Variants in MAP3K4 observed in about 807,000 individuals in gnomAD.
MAP3K4 encodes the protein mitogen-activated protein kinase kinase kinase 4, also known as MAP three kinase 1.
In MAP3K4, 67 loss-of-function variants were observed where a neutral mutation model predicts 185.6. The observed-to-expected ratio is 0.36, with a 90% CI of 0.30 to 0.44. The LOEUF (loss-of-function observed/expected upper bound fraction) is 0.44. Ranked by LOEUF, MAP3K4 falls within the 20% of genes least tolerant of loss-of-function variation. MAP3K4 has a pLI of 1.00. For missense variants in MAP3K4, 1,551 were observed against 1,995.1 expected, an observed-to-expected ratio of 0.78 and a Z score of 4.24; for synonymous variants, 702 against 710.4, an observed-to-expected ratio of 0.99 and a Z score of 0.19.
chr6:161,024,994 C>G (rs1443677236), intron 1 of MAP3K4, among the ~76,000 whole-genome samples: 2 of 151,834 alleles, frequency 1.3e-5, no homozygotes, highest in South Asian at 2.1e-4. Flanking sequence ...CACCCACCCA[C>G]CCAGCCATCC....
intron 11 of MAP3K4, among the ~76,000 whole-genome samples, chr6:161,090,036 A>T (rs1372997469): frequency 6.6e-6 from 1 of 152,108 alleles, no homozygotes; most frequent in Non-Finnish European, 1.5e-5. Flanking sequence ...TCTCATCCAC[A>T]CTTTTCCAGG....
In MAP3K4 at chr6:160,992,045, C is replaced by A; in HGVS notation, c.114C>A (p.Pro38=). The change falls in exon 1 of 27, where the codon CCC becomes CCA. Residue 38 remains proline, a synonymous_variant. Coordinates refer to ENST00000392142, the MANE Select transcript of MAP3K4 (RefSeq NM_005922.4). ...PPPPPPPPPE[P]ETESEPECCL... is the part of the protein sequence containing the mutation. ...CGCCGCCACCACCGCCACCGGAACC[C>A]GAGACCGAGTCAGAACCCGAGTGCT... The A allele has an allele frequency of 6.3e-7, 1 of 1,580,654 alleles. No homozygotes were observed. Among genetic ancestry groups the A allele is most frequent in the East Asian group, 2.4e-5 (1 of 42,330 alleles).
chr6:161,059,441 AT>A (rs1335998404), intron 3 of MAP3K4, among the ~76,000 whole-genome samples: 1 of 151,980 alleles, frequency 6.6e-6, no homozygotes, highest in Non-Finnish European at 1.5e-5. Flanking sequence ...CCCGACCTAA[AT>A]CTTTCTCTTC....
intron 2 of MAP3K4, among the ~76,000 whole-genome samples, chr6:161,041,912 C>CTTGTTTTTTTT (rs1783474224): frequency 3.1e-5 from 2 of 64,046 alleles, no homozygotes; most frequent in African/African-American, 1.3e-4. Flanking sequence ...GTTATTGTTT[C>CTTGTTTTTTTT]TTTTTTTTTT....
In MAP3K4 at chr6:161,114,531, A is replaced by G. The variant is rs1362500876; in HGVS notation, c.4627-592A>G. Among the ~76,000 whole-genome samples the G allele has an allele frequency of 6.6e-6, 1 of 152,220 alleles. No individual in the cohort carries two copies. Among genetic ancestry groups the G allele is most frequent in the African/African-American group, 2.4e-5 (1 of 41,454 alleles). On this transcript the variant is annotated intron_variant, in intron 25 of 26. Transcript: ENST00000392142. The surrounding 1 kb of genome is among the most constrained non-coding windows in gnomAD (Gnocchi z 4.3). ...TTGTGATATCTGTGTTATTCCAGTAAAGCCACACATAAAAGAACAGGTTCT... is the reference window on the plus strand; with the variant it reads ...TTGTGATATCTGTGTTATTCCAGTAGAGCCACACATAAAAGAACAGGTTCT...
chr6:161,032,746 C>A (rs1782988807), intron 1 of MAP3K4, among the ~76,000 whole-genome samples: 1 of 152,294 alleles, frequency 6.6e-6, no homozygotes, highest in Admixed American at 6.5e-5. Flanking sequence ...TGTAAGATTA[C>A]ACTTTATTGT....
In MAP3K4 at chr6:161,034,200, A is replaced by C. The variant is rs1783053137; in HGVS notation, c.153-59A>C. 1 of 1,293,544 alleles carries C rather than the reference A, an allele frequency of 7.7e-7. No homozygotes were observed. Among genetic ancestry groups the C allele is most frequent in the South Asian group, 1.5e-5 (1 of 65,162 alleles). The allele number at this position is 1,293,544 out of a possible 1,614,324, so 80.1% of individuals were successfully genotyped here. ...AAGAATTATTTAAAAAATTATAAGT[A>C]AATTTGAATTCACTTAACTGTGTTG... On this transcript the variant is annotated intron_variant, in intron 1 of 26. Coordinates refer to ENST00000392142, the MANE Select transcript of MAP3K4 (RefSeq NM_005922.4). This position sits in a 1 kb window ranked among gnomAD's most constrained non-coding sequence, Gnocchi z 4.4.
rs189075498 is a variant in MAP3K4 at position 161,106,280 on chromosome 6, A to G, written c.3857-234A>G. ...TTTAGCCAACGTTCTTGGGAAAGGA[A>G]ATCATTTTTGTGTGACTAGCTTATA... On this transcript the variant is annotated intron_variant, in intron 19 of 26. Coordinates refer to ENST00000392142, the MANE Select transcript of MAP3K4 (RefSeq NM_005922.4). This position sits in a 1 kb window ranked among gnomAD's most constrained non-coding sequence, Gnocchi z 4.9. Among the ~76,000 whole-genome samples the G allele has an allele frequency of 1.6e-4, 24 of 152,308 alleles. 1 individual carries two copies. The highest frequency in any genetic ancestry group is 1.2e-3 in the Admixed American group (19 of 15,306).
At chr6:161,057,623 A>C (rs1464875033) in intron 3 of MAP3K4, among the ~76,000 whole-genome samples, 1 of 152,182 alleles carries the variant, frequency 6.6e-6, no homozygotes, top group East Asian at 1.9e-4. Flanking sequence ...CCTCACGTGA[A>C]GCTAGACCAG....
At position 161,107,068 on chromosome 6, in the gene MAP3K4, A is replaced by G. The variant is rs549842207; in HGVS notation, c.4048+363A>G. 1.5e-4 allele frequency among the ~76,000 whole-genome samples: 23 copies of G among 152,016 alleles called. No homozygotes were observed. Among genetic ancestry groups the G allele is most frequent in the Admixed American group, 1.4e-3 (21 of 15,274 alleles). ...CGCGCGCGCACACACACACACACACACACACACACACGCAGAACGTGATTT... is the reference window on the plus strand; with the variant it reads ...CGCGCGCGCACACACACACACACACGCACACACACACGCAGAACGTGATTT... On this transcript the variant is annotated intron_variant, in intron 20 of 26. Transcript: ENST00000392142. The surrounding 1 kb of genome is among the most constrained non-coding windows in gnomAD (Gnocchi z 6.2).
chr6:161,021,589 G>C (rs550832269), intron 1 of MAP3K4, among the ~76,000 whole-genome samples: 3 of 152,180 alleles, frequency 2.0e-5, no homozygotes, highest in Admixed American at 6.5e-5. Context: ...GGTCCTATCT[G>C]CTGGTGGGCT....
Position 161,110,220 on chromosome 6 carries a change from A to G in MAP3K4, c.4396+306A>G, listed in dbSNP as rs1314241857. Reference sequence around the variant, plus strand: ...TGTACTTACCAGACATTCGTGATCAAAGCAACCTTTTTTTTCTCTCGTGTC... The same window carrying G: ...TGTACTTACCAGACATTCGTGATCAGAGCAACCTTTTTTTTCTCTCGTGTC... On this transcript the variant is annotated intron_variant, in intron 23 of 26. Coordinates refer to ENST00000392142, the MANE Select transcript of MAP3K4 (RefSeq NM_005922.4). This position sits in a 1 kb window ranked among gnomAD's most constrained non-coding sequence, Gnocchi z 4.8. 6.6e-6 allele frequency among the ~76,000 whole-genome samples: 1 copy of G among 152,234 alleles called. No homozygotes were observed. The highest frequency in any genetic ancestry group is 1.5e-5 in the Non-Finnish European group (1 of 68,044).
rs531358174 is a variant in MAP3K4 at position 161,034,617 on chromosome 6, T to C, written c.343+168T>C. 6.6e-6 allele frequency among the ~76,000 whole-genome samples: 1 copy of C among 152,240 alleles called. No homozygotes were observed. The highest frequency in any genetic ancestry group is 2.1e-4 in the South Asian group (1 of 4,810). On this transcript the variant is annotated intron_variant, in intron 2 of 26. Transcript: ENST00000392142. The surrounding 1 kb of genome is among the most constrained non-coding windows in gnomAD (Gnocchi z 4.4). ...CATTAGTATTAATAAAATTGACACATAGTTTTCCAGAGATAGAAACGTTTG... is the reference window on the plus strand; with the variant it reads ...CATTAGTATTAATAAAATTGACACACAGTTTTCCAGAGATAGAAACGTTTG...
rs2114855652 is a variant in MAP3K4, at chr6:161,087,101, T to C, written c.2556+434T>C. On this transcript the variant is annotated intron_variant, in intron 9 of 26. Transcript: ENST00000392142. This position sits in a 1 kb window ranked among gnomAD's most constrained non-coding sequence, Gnocchi z 4.9. Reference sequence around the variant, plus strand: ...AGCAACTTTACTCCACTTTAAGTTGTTGGAGATTTAGCACAGTTAGAATCC... The same window carrying C: ...AGCAACTTTACTCCACTTTAAGTTGCTGGAGATTTAGCACAGTTAGAATCC... Among the ~76,000 whole-genome samples the C allele has an allele frequency of 6.6e-6, 1 of 152,304 alleles. No homozygotes were observed. The highest frequency in any genetic ancestry group is 2.1e-4 in the South Asian group (1 of 4,822).
intron 2 of MAP3K4, among the ~76,000 whole-genome samples, chr6:161,045,572 C>G (rs1783692751): frequency 6.6e-6 from 1 of 152,108 alleles, no homozygotes; most frequent in African/African-American, 2.4e-5. Context: ...AAGTGTAGCA[C>G]AGATTTGGAA....
intron 1 of MAP3K4, among the ~76,000 whole-genome samples, chr6:161,033,468 A>G (rs1376812911): frequency 6.6e-6 from 1 of 152,204 alleles, no homozygotes; most frequent in Non-Finnish European, 1.5e-5. Flanking sequence ...TTTTTAGAGA[A>G]CAAATTAATG....
rs1784552439 is a variant in MAP3K4 at position 161,063,137 on chromosome 6, T to C, written c.1708-7471T>C. Reference sequence around the variant, plus strand: ...CTCTTATGTGCCTTCTAGTTTGTTTTTGATTTGGGACGTAAAATTGATTTG... The same window carrying C: ...CTCTTATGTGCCTTCTAGTTTGTTTCTGATTTGGGACGTAAAATTGATTTG... On this transcript the variant is annotated intron_variant, in intron 3 of 26. Coordinates refer to ENST00000392142, the MANE Select transcript of MAP3K4 (RefSeq NM_005922.4). This position sits in a 1 kb window ranked among gnomAD's most constrained non-coding sequence, Gnocchi z 5.4. Among the ~76,000 whole-genome samples, 1 of 152,118 alleles carries C rather than the reference T, an allele frequency of 6.6e-6. No individual in the cohort carries two copies. The highest frequency in any genetic ancestry group is 1.5e-5 in the Non-Finnish European group (1 of 68,018).
chr6:161,030,970 A>G (rs187693143), intron 1 of MAP3K4, among the ~76,000 whole-genome samples: 21 of 152,348 alleles, frequency 1.4e-4, no homozygotes, highest in African/African-American at 4.8e-4. Flanking sequence ...GTAGTACCAT[A>G]TGACATTTTC....
At chr6:161,006,569 A>G (rs748694908) in intron 1 of MAP3K4, among the ~76,000 whole-genome samples, 74 of 152,326 alleles carry the variant, frequency 4.9e-4, no homozygotes, top group Non-Finnish European at 7.6e-4. Context: ...TGTTTTTCCA[A>G]GGGAGGTCCT....
Sources: gnomAD v4.1 joint callset for allele counts (sites outside exome capture counted in the v4.1 genomes callset) on GRCh38, gnomAD v4.1.1 for gene constraint, Gnocchi (gnomAD v3.1) non-coding constraint, MANE v1.5 for transcripts, NCBI Gene and HGNC (gene_info 2026-07-23, HGNC 2026-07-21) for gene names.